MAP2K6: variants seen among roughly 807,000 people sequenced by gnomAD.
MAP2K6 encodes the protein dual specificity mitogen-activated protein kinase kinase 6.
MAP2K6 carries 16 observed loss-of-function variants against 53.7 expected under a neutral mutation model. That is an observed-to-expected ratio of 0.30 (90% CI 0.20 to 0.45). MAP2K6 has a LOEUF of 0.45. Among genes scored for constraint, MAP2K6 ranks in the 20% least tolerant of loss-of-function variants. The pLI is 1.00. For synonymous variants in MAP2K6, 132 were observed against 143.1 expected (o/e 0.92, Z 0.55); for missense variants, 204 against 411.9 (o/e 0.50, Z 4.37).
In MAP2K6 at chr17:69,466,063, A is replaced by G. The variant is rs561027734; in HGVS notation, c.17-39717A>G. 3.3e-5 allele frequency among the ~76,000 whole-genome samples: 5 copies of G among 150,590 alleles called. No individual in the cohort carries two copies. The East Asian group carries it at 1.0e-3, about 30-fold the overall frequency. ...CAAGGTGGGTGGATCACCTGAGGCC[A>G]ATAGTTCAAGACCAGCCTAGCCAAC... On this transcript the variant is annotated intron_variant, in intron 1 of 11. Coordinates refer to ENST00000590474, the MANE Select transcript of MAP2K6 (RefSeq NM_002758.4).
At chr17:69,415,754 G>A (rs922126170) in intron 1 of MAP2K6, among the ~76,000 whole-genome samples, 8 of 152,212 alleles carry the variant, frequency 5.3e-5, no homozygotes, top group African/African-American at 1.7e-4. Context: ...AAGCATTACA[G>A]TAGTGTGAAG....
intron 1 of MAP2K6, among the ~76,000 whole-genome samples, chr17:69,432,779 C>T (rs1356061463): frequency 2.0e-5 from 3 of 147,228 alleles, no homozygotes; most frequent in East Asian, 2.0e-4. Context: ...CAAACCTGCA[C>T]GTTCTGCACA....
chr17:69,503,577 G>A (rs896188916), intron 1 of MAP2K6, among the ~76,000 whole-genome samples: 5 of 152,124 alleles, frequency 3.3e-5, no homozygotes, highest in Admixed American at 6.5e-5. Flanking sequence ...TGATTACTGC[G>A]AAGCATATTT....
intron 1 of MAP2K6, among the ~76,000 whole-genome samples, chr17:69,442,262 T>C (rs764859564): frequency 3.9e-5 from 6 of 152,214 alleles, no homozygotes; most frequent in Non-Finnish European, 8.8e-5. Context: ...GTGGCTTTTC[T>C]CTTGAGGTAT....
intron 1 of MAP2K6, among the ~76,000 whole-genome samples, chr17:69,458,968 A>G (rs573633839): frequency 1.3e-5 from 2 of 152,310 alleles, no homozygotes; most frequent in Non-Finnish European, 2.9e-5. Flanking sequence ...GAGGTTGGCA[A>G]CCTTATAAAA....
rs1392640042 is a variant in MAP2K6 at position 69,520,372 on chromosome 17, A to G, written c.469A>G (p.Lys157Glu). The change falls in exon 6 of 12, where the codon AAA becomes GAA. Residue 157 changes from lysine (K) to glutamate (E), a missense_variant. Around this residue, in one of 3 missense-constraint regions of MAP2K6, gnomAD observed 129 missense variants for 247.1 expected, o/e 0.52. Coordinates refer to ENST00000590474, the MANE Select transcript of MAP2K6 (RefSeq NM_002758.4). ...GQTIPEDILG[K>E]IAVSIVKALE... ...GACAATTCCAGAGGACATCTTAGGG[A>G]AAATAGCAGTTTCTGTGAGTACATT... 6.3e-7 allele frequency: 1 copy of G among 1,598,006 alleles called. No homozygotes were observed. The highest frequency in any genetic ancestry group is 1.1e-5 in the South Asian group (1 of 88,958).
chr17:69,478,399 G>A (rs1260546039), intron 1 of MAP2K6, among the ~76,000 whole-genome samples: 1 of 152,110 alleles, frequency 6.6e-6, no homozygotes, highest in Admixed American at 6.5e-5. Flanking sequence ...ATGGGGGTGG[G>A]CAGGAGTAGG....
intron 1 of MAP2K6, among the ~76,000 whole-genome samples, chr17:69,484,524 A>G (rs1256052899): frequency 2.0e-5 from 3 of 152,118 alleles, no homozygotes; most frequent in African/African-American, 7.2e-5. Flanking sequence ...TGGCAGGTTC[A>G]GGAAAGGTTA....
At chr17:69,425,405 C>T (rs1028569876) in intron 1 of MAP2K6, among the ~76,000 whole-genome samples, 16 of 152,166 alleles carry the variant, frequency 1.1e-4, no homozygotes, top group South Asian at 2.1e-4. Context: ...CTCCGCCTCC[C>T]GGGTTCAAGT....
At chr17:69,446,747 A>C (rs895076612) in intron 1 of MAP2K6, among the ~76,000 whole-genome samples, 35 of 152,078 alleles carry the variant, frequency 2.3e-4, no homozygotes, top group Admixed American at 9.2e-4. Flanking sequence ...AGTACCCCCC[A>C]CAGACGCCAA....
chr17:69,482,149 A>G (rs2145192714), intron 1 of MAP2K6, among the ~76,000 whole-genome samples: 1 of 152,226 alleles, frequency 6.6e-6, no homozygotes, highest in South Asian at 2.1e-4. Flanking sequence ...TTATGTCTTC[A>G]AGTTTCTGGT....
At chr17:69,532,472 G>T (rs116866989) in intron 10 of MAP2K6, among the ~76,000 whole-genome samples, 1 of 152,144 alleles carries the variant, frequency 6.6e-6, no homozygotes, top group Non-Finnish European at 1.5e-5. Flanking sequence ...CTAATTGCAC[G>T]CTTGAAAATG....
chr17:69,453,788 C>G (rs777179512), intron 1 of MAP2K6, among the ~76,000 whole-genome samples: 1 of 152,164 alleles, frequency 6.6e-6, no homozygotes, highest in East Asian at 1.9e-4. Flanking sequence ...GTGTAAATTA[C>G]AATTACCTGG....
At chr17:69,527,329 G>C (rs1910828486) in intron 10 of MAP2K6, among the ~76,000 whole-genome samples, 1 of 152,172 alleles carries the variant, frequency 6.6e-6, no homozygotes, top group Non-Finnish European at 1.5e-5. Context: ...CTTGCTAACT[G>C]TGGAGAAACT....
chr17:69,498,388 A>G (rs1004877745), intron 1 of MAP2K6, among the ~76,000 whole-genome samples: 4 of 152,128 alleles, frequency 2.6e-5, no homozygotes, highest in Admixed American at 6.5e-5. Context: ...GTGAAACTTA[A>G]AAAAATATAT....
At chr17:69,495,207 A>G (rs1424527963) in intron 1 of MAP2K6, among the ~76,000 whole-genome samples, 2 of 150,396 alleles carry the variant, frequency 1.3e-5, no homozygotes, top group African/African-American at 2.4e-5. Flanking sequence ...GAACATCTTT[A>G]TATATTGGTA....
intron 2 of MAP2K6, among the ~76,000 whole-genome samples, chr17:69,512,689 A>G (rs1255518488): frequency 6.6e-6 from 1 of 152,160 alleles, no homozygotes; most frequent in South Asian, 2.1e-4. Context: ...TGAAAGAGGT[A>G]TTAATGAGGT....
In MAP2K6 at chr17:69,525,583, A is replaced by G. The variant is rs558056430; in HGVS notation, c.741+605A>G. Among the ~76,000 whole-genome samples, 41 of 152,320 alleles carry G rather than the reference A, an allele frequency of 2.7e-4. No individual in the cohort carries two copies. In the South Asian group the frequency reaches 8.1e-3, roughly 30 times the overall value. ...CCTCACGATCATGGCGGAAGGTGAA[A>G]GGCACATCTTATATGGCGGCAGACA... On this transcript the variant is annotated intron_variant, in intron 9 of 11. Coordinates refer to ENST00000590474, the MANE Select transcript of MAP2K6 (RefSeq NM_002758.4).
At chr17:69,520,835 G>C in intron 6 of MAP2K6, 1 of 473,470 alleles carries the variant, frequency 2.1e-6, no homozygotes, top group South Asian at 3.9e-5. Context: ...GACAGATGAG[G>C]GAGACATCCT....
Sources: allele counts gnomAD v4.1 joint callset (sites outside exome capture counted in the v4.1 genomes callset), GRCh38; gene constraint gnomAD v4.1.1; regional missense constraint gnomAD v4.1.1; transcripts MANE v1.5; gene names NCBI Gene and HGNC (gene_info 2026-07-23, HGNC 2026-07-21).